Variants in PKHD1L1 observed in about 807,000 individuals in gnomAD.
PKHD1L1 encodes PKHD1 like 1.
PKHD1L1 carries 434 observed loss-of-function variants against 462.9 expected under a neutral mutation model. That is an observed-to-expected ratio of 0.94 (90% CI 0.87 to 1.02). The LOEUF is 1.02. Among genes scored for constraint, PKHD1L1 ranks in the 50% least tolerant of loss-of-function variants. PKHD1L1 has a pLI of 0.00. For missense variants in PKHD1L1, 5,202 were observed against 5,096.1 expected (o/e 1.02, Z -0.63); for synonymous variants, 1,781 against 1,750.0 (o/e 1.02, Z -0.44).
chr8:109,427,075 A>G lies in PKHD1L1; in HGVS notation c.2919A>G (p.Ser973=). The G allele has an allele frequency of 6.2e-7, 1 of 1,613,950 alleles. No homozygotes were observed. Among genetic ancestry groups the G allele is most frequent in the South Asian group, 1.1e-5 (1 of 91,070 alleles). The change falls in exon 25 of 78, where the codon TCA becomes TCG. Residue 973 remains serine, a synonymous_variant. Coordinates refer to ENST00000378402, the MANE Select transcript of PKHD1L1 (RefSeq NM_177531.6). ...LQSLEGMGRI[S]VTREGTCAGY... is the part of the protein sequence containing the mutation. ...GTCTGGAGGGAATGGGAAGAATCTC[A>G]GTTACACGAGAGGGAACCTGTGCTG...
intron 12 of PKHD1L1, 133 bp from the exon 13 acceptor site, chr8:109,399,943 A>G: frequency 1.1e-6 from 1 of 926,364 alleles, no homozygotes; most frequent in Non-Finnish European, 1.6e-6. Flanking sequence ...GGGAATGTGT[A>G]ATTGTTTTGT....
In PKHD1L1 at chr8:109,398,554, T is replaced by C; in HGVS notation, c.1012+6T>C. On this transcript the variant is annotated splice_donor_region_variant and intron_variant, in intron 12 of 77. Coordinates refer to ENST00000378402, the MANE Select transcript of PKHD1L1 (RefSeq NM_177531.6). ...TCTCAAAACTGTATATCCAGGTAAG[T>C]TACCATAAGGGACAATGGCCATTTC... is the stretch of plus-strand genomic sequence containing the variant. 6.7e-7 allele frequency: 1 copy of C among 1,485,178 alleles called. No homozygotes were observed. Among genetic ancestry groups the C allele is most frequent in the South Asian group, 1.2e-5 (1 of 83,080 alleles). The allele number at this position is 1,485,178 out of a possible 1,614,324, so 92.0% of individuals were successfully genotyped here. A position where few individuals can be genotyped will look rare whatever the true frequency, so the allele number is the denominator to read the frequency against.
At position 109,523,310 on chromosome 8, in the gene PKHD1L1, T is replaced by A; in HGVS notation, c.12408T>A (p.Asn4136Lys). Residue 4136 changes from asparagine (N) to lysine (K), a missense_variant, in exon 76 of 78, where the codon AAT (asparagine) becomes AAA (lysine). This residue lies in a region of PKHD1L1 where 698 missense variants were observed against 736.3 expected (regional missense o/e 0.95). Transcript: ENST00000378402. Reference protein sequence around the residue: ...ILKDSNNNQVNGLSGNTTIPF... With the variant: ...ILKDSNNNQVKGLSGNTTIPF... ...AGGACTCCAATAATAACCAAGTCAA[T>A]GGCCTTAGTGGAAATACAACAATTC... The A allele has an allele frequency of 6.2e-7, 1 of 1,612,544 alleles. No individual in the cohort carries two copies. The highest frequency in any genetic ancestry group is 2.2e-5 in the East Asian group (1 of 44,838).
At chr8:109,402,860 G>T (rs1167237812) in intron 14 of PKHD1L1, among the ~76,000 whole-genome samples, 1 of 152,270 alleles carries the variant, frequency 6.6e-6, no homozygotes, top group East Asian at 1.9e-4. Context: ...CAATGTTCTT[G>T]CTGAGGTCTT....
chr8:109,515,930 G>C (rs1466648590), intron 72 of PKHD1L1, among the ~76,000 whole-genome samples: 1 of 152,092 alleles, frequency 6.6e-6, no homozygotes, highest in Non-Finnish European at 1.5e-5. Flanking sequence ...ATCATTTTCT[G>C]ATATGATCCA....
chr8:109,402,218 G>A (rs755199749), intron 14 of PKHD1L1, among the ~76,000 whole-genome samples: 67 of 152,146 alleles, frequency 4.4e-4, no homozygotes, highest in Non-Finnish European at 8.2e-4. Context: ...GTGGTGGAAT[G>A]GAGTTACATG....
intron 5 of PKHD1L1, 28 bp downstream of exon 5, chr8:109,384,155 T>G: frequency 6.6e-7 from 1 of 1,525,900 alleles, no homozygotes; most frequent in East Asian, 2.3e-5. Flanking sequence ...TGAAATAACT[T>G]TTGGTTTCAT....
chr8:109,489,466 C>G (rs1279954333), intron 59 of PKHD1L1, among the ~76,000 whole-genome samples: 1 of 151,788 alleles, frequency 6.6e-6, no homozygotes, highest in East Asian at 1.9e-4. Flanking sequence ...GATAAGCTGA[C>G]CAGCAGATAA....
chr8:109,458,956 T>G (rs1180322543), intron 46 of PKHD1L1, among the ~76,000 whole-genome samples: 1 of 152,158 alleles, frequency 6.6e-6, no homozygotes, highest in Non-Finnish European at 1.5e-5. Context: ...ATTATAGAAC[T>G]GGCAAATCCC....
chr8:109,376,711 T>G (rs1479446308), intron 2 of PKHD1L1, among the ~76,000 whole-genome samples: 1 of 152,198 alleles, frequency 6.6e-6, no homozygotes, highest in South Asian at 2.1e-4. Context: ...TTAGCAGATA[T>G]CTGATTAAGT....
At position 109,362,640 on chromosome 8, in the gene PKHD1L1, G is replaced by A. The variant is rs767401800; in HGVS notation, c.60G>A (p.Ala20=). The A allele has an allele frequency of 6.9e-6, 11 of 1,604,376 alleles. No homozygotes were observed. Among genetic ancestry groups the A allele is most frequent in the Non-Finnish European group, 1.7e-6 (2 of 1,175,544 alleles). The change falls in exon 1 of 78, where the codon GCG becomes GCA. Residue 20 remains alanine, a synonymous_variant. Coordinates refer to ENST00000378402, the MANE Select transcript of PKHD1L1 (RefSeq NM_177531.6). ...TCTGTGGGCTGCTCCTGTGTGCCGC[G>A]GATCCCAGCACAGGTAACCCTTTGG... ...WGLCGLLLCA[A]DPSTDGSQII...
At position 109,486,647 on chromosome 8, in the gene PKHD1L1, G is replaced by A; in HGVS notation, c.9707-1G>A. On this transcript the variant is annotated splice_acceptor_variant, in intron 58 of 77. Coordinates refer to ENST00000378402, the MANE Select transcript of PKHD1L1 (RefSeq NM_177531.6). LOFTEE classifies it high-confidence loss of function. Reference sequence around the variant, plus strand: ...ATAATCTAGCTGCCTTTATACTGCAGCTGAAAAATACCATGTCCCTGGAAC... The same window carrying A: ...ATAATCTAGCTGCCTTTATACTGCAACTGAAAAATACCATGTCCCTGGAAC... 6.2e-7 allele frequency: 1 copy of A among 1,610,492 alleles called. No individual in the cohort carries two copies. Among genetic ancestry groups the A allele is most frequent in the Non-Finnish European group, 8.5e-7 (1 of 1,177,976 alleles).
intron 32 of PKHD1L1, among the ~76,000 whole-genome samples, 156 bp from the exon 33 acceptor site, chr8:109,440,554 G>C (rs563173473): frequency 3.3e-4 from 50 of 152,088 alleles, no homozygotes; most frequent in Non-Finnish European, 5.9e-4. Flanking sequence ...ATCAAATCGA[G>C]ATTATGATAA....
chr8:109,432,280 C>T (rs568247569), intron 27 of PKHD1L1, among the ~76,000 whole-genome samples: 8 of 152,150 alleles, frequency 5.3e-5, no homozygotes, highest in African/African-American at 1.9e-4. Context: ...TTGATTTATT[C>T]TAGGTTATTT....
chr8:109,396,233 A>G (rs1033309776), intron 11 of PKHD1L1, 96 bp downstream of exon 11: 4 of 861,794 alleles, frequency 4.6e-6, no homozygotes, highest in Non-Finnish European at 5.4e-6. Context: ...TTCTCAACTC[A>G]TGCCTTCAAT....
chr8:109,485,290 T>C, intron 58 of PKHD1L1, 117 bp downstream of exon 58: 2 of 975,250 alleles, frequency 2.1e-6, no homozygotes, highest in Non-Finnish European at 2.9e-6. Flanking sequence ...GAGCATTTTA[T>C]TCAGATTGGC....
At chr8:109,512,755 G>A (rs149941729) in intron 71 of PKHD1L1, among the ~76,000 whole-genome samples, 29,458 of 151,864 alleles carry the variant, frequency 0.19, 3,017 homozygotes, top group South Asian at 0.38. Context: ...AGCTTGATGG[G>A]GATGGCATTG....
At position 109,465,136 on chromosome 8, in the gene PKHD1L1, G is replaced by A. The variant is rs747019693; in HGVS notation, c.8304G>A (p.Gly2768=). 52 of 1,613,644 alleles carry A rather than the reference G, an allele frequency of 3.2e-5. No homozygotes were observed. Among genetic ancestry groups the A allele is most frequent in the Non-Finnish European group, 4.2e-5 (49 of 1,179,772 alleles). ...SISGVCNDRC[G]GWSAKFVDVQ... Reference sequence around the variant, plus strand: ...CTGGAGTTTGTAATGACAGATGTGGGGGTTGGAGTGCAAAGTTTGTTGACG... The same window carrying A: ...CTGGAGTTTGTAATGACAGATGTGGAGGTTGGAGTGCAAAGTTTGTTGACG... Residue 2768 remains glycine (G), a synonymous_variant, in exon 49 of 78, where the codon GGG becomes GGA. Coordinates refer to ENST00000378402, the MANE Select transcript of PKHD1L1 (RefSeq NM_177531.6).
At chr8:109,459,570 A>G in intron 46 of PKHD1L1, 25 bp from the exon 47 acceptor site, 1 of 1,479,782 alleles carries the variant, frequency 6.8e-7, no homozygotes, top group Non-Finnish European at 9.0e-7. Flanking sequence ...TTAATTTTAA[A>G]ATTTTTTTGT....
Sources: gnomAD v4.1 joint callset for allele counts (sites outside exome capture counted in the v4.1 genomes callset) on GRCh38, gnomAD v4.1.1 for gene constraint, gnomAD v4.1.1 regional missense constraint, MANE v1.5 for transcripts, NCBI Gene and HGNC (gene_info 2026-07-23, HGNC 2026-07-21) for gene names.